LRWD1: variants seen among roughly 807,000 people sequenced by gnomAD.
LRWD1 encodes leucine rich repeats and WD repeat domain containing 1.
LRWD1 carries 76 observed loss-of-function variants against 75.6 expected under a neutral mutation model. The observed-to-expected ratio is 1.01, with a 90% CI of 0.84 to 1.22. The LOEUF (loss-of-function observed/expected upper bound fraction) is 1.22. LRWD1 is among the 50% of genes most tolerant of loss of function. The pLI, the probability that LRWD1 is intolerant of heterozygous loss-of-function variation, is 0.00. For synonymous variants in LRWD1, 487 were observed against 377.0 expected (o/e 1.29, Z -3.38); for missense variants, 917 against 862.0 (o/e 1.06, Z -0.80).
In LRWD1 at chr7:102,469,764, A is replaced by G; in HGVS notation, c.1324A>G (p.Thr442Ala). The change falls in exon 11 of 15, where the codon ACC (threonine) becomes GCC (alanine). Residue 442 changes from threonine (T) to alanine (A), a missense_variant. Coordinates refer to ENST00000292616, the MANE Select transcript of LRWD1 (RefSeq NM_152892.3). ...CAGCCAGCTGCTCACACTGGACACCACCTCTATCCCCCTGCGCCTCTGCCC... is the reference window on the plus strand; with the variant it reads ...CAGCCAGCTGCTCACACTGGACACCGCCTCTATCCCCCTGCGCCTCTGCCC... ...QASQLLTLDT[T>A]SIPLRLCPVA... is the part of the protein sequence containing the mutation. 6.2e-7 allele frequency: 1 copy of G among 1,608,110 alleles called. No homozygotes were observed. Among genetic ancestry groups the G allele is most frequent in the Non-Finnish European group, 8.5e-7 (1 of 1,176,144 alleles).
In LRWD1 at chr7:102,469,566, CT is replaced by C; in HGVS notation, c.1229-7del. The C allele has an allele frequency of 6.2e-7, 1 of 1,614,146 alleles. No homozygotes were observed. The highest frequency in any genetic ancestry group is 1.3e-5 in the African/African-American group (1 of 75,078). On this transcript the variant is annotated splice_region_variant and splice_polypyrimidine_tract_variant and intron_variant, in intron 9 of 14. Coordinates refer to ENST00000292616, the MANE Select transcript of LRWD1 (RefSeq NM_152892.3). ...GGCCACTTCTCCCCTACCCCACCCC[CT>C]CTTCAGCGGCCTCCTATGACAAGCG...
rs760163135 is a variant in LRWD1 at position 102,466,219 on chromosome 7, G to A, written c.381G>A (p.Ala127=). The A allele has an allele frequency of 1.1e-5, 17 of 1,614,156 alleles. No homozygotes were observed. The Middle Eastern group carries it at 4.9e-4, about 47-fold the overall frequency. ...PTLRKVNGKD[A]SSTYSQVENL... Reference sequence around the variant, plus strand: ...TCCGTAAGGTCAATGGCAAGGATGCGTCCTCAACTTACTCTCAGGTGGAGA... The same window carrying A: ...TCCGTAAGGTCAATGGCAAGGATGCATCCTCAACTTACTCTCAGGTGGAGA... The change falls in exon 3 of 15, where the codon GCG becomes GCA. Residue 127 remains alanine, a synonymous_variant. Coordinates refer to ENST00000292616, the MANE Select transcript of LRWD1 (RefSeq NM_152892.3).
At chr7:102,465,420 G>A in intron 1 of LRWD1, 1 of 384,056 alleles carries the variant, frequency 2.6e-6, no homozygotes, top group Non-Finnish European at 4.6e-6. Flanking sequence ...GCACAGACGA[G>A]CCCCCGAAGG....
chr7:102,465,753 C>T (rs770640737), intron 1 of LRWD1, 64 bp from the exon 2 acceptor site: 2 of 1,221,320 alleles, frequency 1.6e-6, no homozygotes, highest in South Asian at 2.4e-5. Flanking sequence ...CTGAGGTACC[C>T]GGGGCAGATT....
chr7:102,472,258 G>A lies in LRWD1; in HGVS notation c.1483G>A (p.Ala495Thr). ...ATTCGTCTTCTCTGAGGGCTCCGAG[G>A]CATCTGGACGGAGAGTGGATGGGCT... Reference protein sequence around the residue: ...VEFVFSEGSEASGRRVDGLAF... With the variant: ...VEFVFSEGSETSGRRVDGLAF... The change falls in exon 12 of 15, where the codon GCA (alanine) becomes ACA (threonine). Residue 495 changes from alanine (A) to threonine (T), a missense_variant. Physicochemically the swap from Ala to Thr is moderately conservative, Grantham distance 58. Transcript: ENST00000292616. 6.3e-7 allele frequency: 1 copy of A among 1,596,358 alleles called. No homozygotes were observed. Among genetic ancestry groups the A allele is most frequent in the Non-Finnish European group, 8.5e-7 (1 of 1,169,960 alleles).
chr7:102,472,348 GCACACAGATGGA>G, intron 12 of LRWD1, 39 bp downstream of exon 12: 1 of 1,553,888 alleles, frequency 6.4e-7, no homozygotes, highest in East Asian at 2.4e-5. Flanking sequence ...TGGCCTCCGG[GCACACAGATGGA>G]CCGCTTGTCC....
In LRWD1 at chr7:102,466,051, G is replaced by T; in HGVS notation, c.315G>T (p.Thr105=). ...GCCTGGAGGGCAACCCCTTCCTGAC[G>T]GTAAGTGGGAGCCTCCCACCAGCTT... The part of the protein sequence containing the change: ...ELSLEGNPFL[T]VNDNLKVSFL... The change falls in exon 2 of 15, where the codon ACG becomes ACT. Residue 105 remains threonine, a splice_region_variant and synonymous_variant. Transcript: ENST00000292616. The T allele has an allele frequency of 6.2e-7, 1 of 1,614,028 alleles. No individual in the cohort carries two copies. Among genetic ancestry groups the T allele is most frequent in the Non-Finnish European group, 8.5e-7 (1 of 1,179,974 alleles).
intron 9 of LRWD1, among the ~76,000 whole-genome samples, 157 bp downstream of exon 9, chr7:102,469,219 C>T (rs1347869571): frequency 2.6e-5 from 4 of 152,198 alleles, no homozygotes; most frequent in Non-Finnish European, 4.4e-5. Context: ...GAAGCCATGT[C>T]GCTTCAACCC....
rs754394632 is a variant in LRWD1, at chr7:102,468,216, C to T, written c.804+29C>T. ...AGCTGAGGTGGCAAGGAGCAGGTGG[C>T]AGATGAGTCGGGGCTGGGCAGCTGT... On this transcript the variant is annotated intron_variant, in intron 6 of 14. Coordinates refer to ENST00000292616, the MANE Select transcript of LRWD1 (RefSeq NM_152892.3). 36 of 1,603,144 alleles carry T rather than the reference C, an allele frequency of 2.2e-5. No individual in the cohort carries two copies. In the South Asian group the frequency reaches 3.8e-4, roughly 17 times the overall value.
rs756342253 is a variant in LRWD1 at position 102,467,422 on chromosome 7, G to A, written c.516G>A (p.Ser172=). The part of the protein sequence containing the change: ...AEKAQADFVK[S]AVRDVRYGPE... ...AGGCCCAGGCGGACTTTGTGAAGTC[G>A]GCTGTCAGGGATGTCCGCTACGGGC... The change falls in exon 4 of 15, where the codon TCG becomes TCA. Residue 172 remains serine, a synonymous_variant. Transcript: ENST00000292616. The A allele has an allele frequency of 3.1e-6, 5 of 1,613,810 alleles. No individual in the cohort carries two copies. Among genetic ancestry groups the A allele is most frequent in the Admixed American group, 1.7e-5 (1 of 59,966 alleles).
In LRWD1 at chr7:102,472,945, G is replaced by C. The variant is rs369747780; in HGVS notation, c.1840G>C (p.Val614Leu). ...GCCCCAGCCCTGGGCCCTTGGCCAG[G>C]TGGTGACCAAGACCATGGTGAACAC... Reference protein sequence around the residue: ...KWPQPWALGQVVTKTMVNTVV... With the variant: ...KWPQPWALGQLVTKTMVNTVV... The change falls in exon 15 of 15, where the codon GTG becomes CTG. Residue 614 changes from valine to leucine, a missense_variant. Val to Leu is a conservative substitution (Grantham distance 32). Transcript: ENST00000292616. The C allele has an allele frequency of 1.5e-4, 235 of 1,613,974 alleles. No homozygotes were observed. Among genetic ancestry groups the C allele is most frequent in the Non-Finnish European group, 1.8e-4 (214 of 1,180,024 alleles).
At position 102,472,203 on chromosome 7, in the gene LRWD1, C is replaced by T. The variant is rs6959500; in HGVS notation, c.1443-15C>T. The stretch of plus-strand genomic sequence containing the variant: ...TGCAAGGAATGGCCAACTAGCATCT[C>T]GTGCTGCCCCACAGGGTGTGTGAAG... On this transcript the variant is annotated splice_polypyrimidine_tract_variant and intron_variant, in intron 11 of 14. Transcript: ENST00000292616. The T allele has an allele frequency of 3.7e-4, 583 of 1,577,206 alleles. No homozygotes were observed. The African/African-American group carries it at 6.3e-3, about 17-fold the overall frequency.
rs118132583 is a variant in LRWD1, at chr7:102,466,120, C to T, written c.316-34C>T. On this transcript the variant is annotated intron_variant, in intron 2 of 14. Coordinates refer to ENST00000292616, the MANE Select transcript of LRWD1 (RefSeq NM_152892.3). ...TCTGTTGGGCTCAGGCTCAGCATCT[C>T]CTGAGCCACTGCTCTTCACCCTCTC... is the stretch of plus-strand genomic sequence containing the variant. 2.2e-4 allele frequency: 352 copies of T among 1,610,156 alleles called. 3 individuals are homozygous for T. The East Asian group carries it at 3.3e-3, about 15-fold the overall frequency.
chr7:102,468,869 G>T lies in LRWD1; in HGVS notation c.1035G>T (p.Val345=), dbSNP rs780876981. The change falls in exon 9 of 15, where the codon GTG becomes GTT. Residue 345 remains valine, a synonymous_variant. Transcript: ENST00000292616. ...CCCCCGCCCAGGAGTTCTTTTCTGT[G>T]GCCTGGACCGCTCTGATGGTGGTCA... The part of the protein sequence containing the change: ...YKAPGEEFFS[V]AWTALMVVTQ... The T allele has an allele frequency of 1.7e-5, 27 of 1,611,722 alleles. No homozygotes were observed. The South Asian group carries it at 2.6e-4, about 16-fold the overall frequency.
chr7:102,467,118 G>GT (rs1798012258), intron 3 of LRWD1, among the ~76,000 whole-genome samples: 2 of 114,442 alleles, frequency 1.7e-5, no homozygotes, highest in African/African-American at 7.2e-5. Flanking sequence ...TTGTTGCTGG[G>GT]GTGTGTGTGT....
chr7:102,464,992 C>G lies in LRWD1; in HGVS notation c.-89C>G. The G allele has an allele frequency of 3.7e-6, 5 of 1,350,532 alleles. No homozygotes were observed. The highest frequency in any genetic ancestry group is 4.8e-6 in the Non-Finnish European group (5 of 1,043,402). The allele number at this position is 1,350,532 out of a possible 1,614,324, so 83.7% of individuals were successfully genotyped here. ...CGCCGCCTCCTGGGCTCAGTTACCG[C>G]GGACGCCAGTGCCGGGCTCCAGGAG... is the stretch of plus-strand genomic sequence containing the variant. On this transcript the variant is annotated 5_prime_UTR_variant, in exon 1 of 15. Transcript: ENST00000292616.
At chr7:102,470,669 G>A (rs2133271520) in intron 11 of LRWD1, 1 of 152,442 alleles carries the variant, frequency 6.6e-6, no homozygotes, top group Non-Finnish European at 1.5e-5. Flanking sequence ...CCACCATGTG[G>A]CCACAGCTGG....
chr7:102,466,529 C>T (rs763723058), intron 3 of LRWD1, among the ~76,000 whole-genome samples: 1 of 152,118 alleles, frequency 6.6e-6, no homozygotes, highest in Non-Finnish European at 1.5e-5. Context: ...ATTTTCCTGC[C>T]TCAGCCTCCC....
chr7:102,467,789 A>T lies in LRWD1; in HGVS notation c.644A>T (p.Lys215Met), dbSNP rs1306665029. The change falls in exon 5 of 15, where the codon AAG (lysine) becomes ATG (methionine). Residue 215 changes from lysine (K) to methionine (M), a missense_variant. Lys to Met is a moderately conservative substitution (Grantham distance 95). Coordinates refer to ENST00000292616, the MANE Select transcript of LRWD1 (RefSeq NM_152892.3). ...GTGCAAAAGGCTAACAGCCCAGAGAAGCCCCCAGAAGCTGGAGCTGCCCAC... is the reference window on the plus strand; with the variant it reads ...GTGCAAAAGGCTAACAGCCCAGAGATGCCCCCAGAAGCTGGAGCTGCCCAC... ...TQVQKANSPE[K>M]PPEAGAAHKP... 5 of 1,551,048 alleles carry T rather than the reference A, an allele frequency of 3.2e-6. No homozygotes were observed. The highest frequency in any genetic ancestry group is 4.4e-6 in the Non-Finnish European group (5 of 1,147,196).
Sources: gnomAD v4.1 joint callset for allele counts (sites outside exome capture counted in the v4.1 genomes callset) on GRCh38, gnomAD v4.1.1 for gene constraint, MANE v1.5 for transcripts, NCBI Gene and HGNC (gene_info 2026-07-23, HGNC 2026-07-21) for gene names.